The following LRCH2 variants were observed in gnomAD, a reference collection of about 807,000 sequenced individuals.
LRCH2 encodes the protein leucine-rich repeat and calponin homology domain-containing protein 2.
In LRCH2, 38 loss-of-function variants were observed where a neutral mutation model predicts 68.9. The observed-to-expected ratio is 0.55, with a 90% CI of 0.43 to 0.72. The LOEUF (loss-of-function observed/expected upper bound fraction) is 0.72. LRCH2 is among the 30% of genes least tolerant of loss of function. The pLI, the probability that LRCH2 is intolerant of heterozygous loss-of-function variation, is 0.00. For missense variants in LRCH2, 528 were observed against 572.9 expected, an observed-to-expected ratio of 0.92 and a Z score of 0.80; for synonymous variants, 191 against 208.1, an observed-to-expected ratio of 0.92 and a Z score of 0.71.
intron 15 of LRCH2, 36 bp from the exon 16 acceptor site, chrX:115,126,929 T>A: frequency 1.2e-6 from 1 of 860,626 alleles, no homozygotes; most frequent in South Asian, 2.7e-5. Context: ...AAGATGAAAT[T>A]ACAATACAAA....
At chrX:115,130,027 T>C in intron 15 of LRCH2, 128 bp downstream of exon 15, 1 of 380,130 alleles carries the variant, frequency 2.6e-6, no homozygotes, top group Non-Finnish European at 4.6e-6. Context: ...GTTTTTATTG[T>C]TGAAAAAAAA....
chrX:115,174,762 T>C (rs1385685705), intron 5 of LRCH2, among the ~76,000 whole-genome samples: 7 of 111,458 alleles, frequency 6.3e-5, no homozygotes, highest in African/African-American at 2.3e-4. Flanking sequence ...TATTGTAATT[T>C]GTAAGGAATG....
intron 20 of LRCH2, among the ~76,000 whole-genome samples, chrX:115,119,060 T>C (rs1254925548): frequency 8.1e-5 from 9 of 111,506 alleles, no homozygotes; most frequent in Admixed American, 5.7e-4. Flanking sequence ...ACAGCCAATA[T>C]TATAATGAAT....
In LRCH2 at chrX:115,127,020, C is replaced by T. The variant is rs1257053884; in HGVS notation, c.1741-127G>A. The T allele has an allele frequency of 7.7e-6, 3 of 388,619 alleles. No individual in the cohort carries two copies. In the African/African-American group the frequency reaches 8.1e-5, roughly 10 times the overall value. 32.0% of individuals were successfully genotyped at this position (388,619 alleles called of 1,213,427 possible). On this transcript the variant is annotated intron_variant, in intron 15 of 20. Transcript: ENST00000317135. ...GAAGACCTACTAAAGATATGCCATCCAGCACATTGCCACTCTACATGTGGT... is the reference window on the plus strand; with the variant it reads ...GAAGACCTACTAAAGATATGCCATCTAGCACATTGCCACTCTACATGTGGT...
chrX:115,201,800 A>G (rs1603090156), intron 1 of LRCH2, among the ~76,000 whole-genome samples: 1 of 112,157 alleles, frequency 8.9e-6, no homozygotes, highest in South Asian at 3.7e-4. Flanking sequence ...TAGATTTGAT[A>G]AAGTTTCAGG....
At chrX:115,184,666 G>T in intron 2 of LRCH2, 129 bp from the exon 3 acceptor site, 4 of 552,179 alleles carry the variant, frequency 7.2e-6, no homozygotes, top group Non-Finnish European at 1.1e-5. Context: ...CTTGCTGAGT[G>T]CTCACTTTGT....
intron 20 of LRCH2, among the ~76,000 whole-genome samples, chrX:115,120,911 T>C (rs1421528522): frequency 9.5e-6 from 1 of 105,179 alleles, no homozygotes; most frequent in Non-Finnish European, 1.9e-5. Flanking sequence ...CTCAGTAAAC[T>C]ATCGCAAGAA....
intron 1 of LRCH2, among the ~76,000 whole-genome samples, chrX:115,199,483 A>G (rs1556565280): frequency 8.9e-6 from 1 of 112,588 alleles, no homozygotes. Context: ...AACAAAATCC[A>G]AAAGTGAGCA....
chrX:115,192,149 G>A (rs782419868), intron 1 of LRCH2: 5 of 1,166,674 alleles, frequency 4.3e-6, no homozygotes, highest in South Asian at 1.9e-5. Flanking sequence ...AGCTATGGCC[G>A]GAGTGACCAT....
intron 2 of LRCH2, among the ~76,000 whole-genome samples, chrX:115,185,141 T>C (rs1019089755): frequency 8.9e-6 from 1 of 112,335 alleles, no homozygotes; most frequent in African/African-American, 3.2e-5. Flanking sequence ...AACATTCTTA[T>C]CTCTGTAGAT....
intron 2 of LRCH2, among the ~76,000 whole-genome samples, chrX:115,187,133 C>T (rs1342221720): frequency 1.8e-5 from 2 of 111,962 alleles, no homozygotes; most frequent in African/African-American, 3.2e-5. Flanking sequence ...ACTTCTCTCA[C>T]ACATTTTAAG....
intron 11 of LRCH2, among the ~76,000 whole-genome samples, chrX:115,160,147 C>T (rs1416600552): frequency 9.1e-6 from 1 of 109,937 alleles, no homozygotes; most frequent in Non-Finnish European, 1.9e-5. Context: ...GAAACCCTGT[C>T]TCTACTAAAA....
chrX:115,160,593 A>T (rs1474387526), intron 11 of LRCH2, among the ~76,000 whole-genome samples: 3 of 111,842 alleles, frequency 2.7e-5, no homozygotes, highest in Non-Finnish European at 5.6e-5. Context: ...ATCCAGTTAA[A>T]TTATTTTTAA....
chrX:115,155,933 G>C (rs1463310292), intron 12 of LRCH2, among the ~76,000 whole-genome samples: 1 of 111,809 alleles, frequency 8.9e-6, no homozygotes, highest in Non-Finnish European at 1.9e-5. Flanking sequence ...AAGTTGTAAA[G>C]AGTCATTAGA....
intron 1 of LRCH2, among the ~76,000 whole-genome samples, chrX:115,221,179 CAAAAAAAAAAAAAAAAAA>C (rs1166166479): frequency 5.8e-5 from 4 of 68,897 alleles, no homozygotes; most frequent in Non-Finnish European, 9.7e-5. Context: ...TCCATCTTAA[CAAAAAAAAAAAAAAAAAA>C]AAAAAAAAAA....
intron 5 of LRCH2, among the ~76,000 whole-genome samples, chrX:115,174,591 ACCC>A (rs59540810): frequency 0.021 from 1,848 of 88,811 alleles, 71 homozygotes; most frequent in African/African-American, 0.075. Context: ...ACACAAACAC[ACCC>A]CCCCCCCCAC....
intron 6 of LRCH2, among the ~76,000 whole-genome samples, chrX:115,169,870 C>A (rs1321424572): frequency 1.8e-5 from 2 of 110,554 alleles, no homozygotes. Flanking sequence ...CATTATATGT[C>A]ATTATGATAT....
chrX:115,162,249 A>G (rs1326551866), intron 11 of LRCH2, among the ~76,000 whole-genome samples: 2 of 111,159 alleles, frequency 1.8e-5, no homozygotes, highest in Admixed American at 9.6e-5. Flanking sequence ...AAACAATATT[A>G]TCGTCCCATA....
intron 6 of LRCH2, 97 bp downstream of exon 6, chrX:115,170,202 A>G (rs1230686355): frequency 1.2e-6 from 1 of 833,165 alleles, no homozygotes; most frequent in Non-Finnish European, 1.6e-6. Flanking sequence ...TGGACCAATC[A>G]GCCTAAATAT....
Sources: gnomAD v4.1 joint callset for allele counts (sites outside exome capture counted in the v4.1 genomes callset) on GRCh38, gnomAD v4.1.1 for gene constraint, MANE v1.5 for transcripts, NCBI Gene and HGNC (gene_info 2026-07-23, HGNC 2026-07-21) for gene names.